The following BRINP2 variants were observed in gnomAD, a reference collection of about 807,000 sequenced individuals.
The protein encoded by BRINP2 is BMP/retinoic acid-inducible neural-specific protein 2.
A neutral mutation model predicts 69.2 loss-of-function variants in BRINP2; 21 were observed. The ratio of observed to expected loss-of-function variants is 0.30; its 90% CI spans 0.22 to 0.44. The LOEUF (loss-of-function observed/expected upper bound fraction) is 0.44. BRINP2 is among the 20% of genes least tolerant of loss of function. The probability of loss-of-function intolerance (pLI) is 1.00; values close to 1 mark genes in which losing one functional copy is unlikely to be tolerated. For missense variants in BRINP2, 877 were observed against 986.0 expected, an observed-to-expected ratio of 0.89 and a Z score of 1.48; for synonymous variants, 380 against 394.1, an observed-to-expected ratio of 0.96 and a Z score of 0.42.
chr1:177,265,692 A>G lies in BRINP2; in HGVS notation c.670-7796A>G, dbSNP rs192313638. Among the ~76,000 whole-genome samples, 80 of 152,242 alleles carry G rather than the reference A, an allele frequency of 5.3e-4. No homozygotes were observed. The Middle Eastern group carries it at 0.014, about 26-fold the overall frequency. ...TGGAAAGAACATAGGCTGCAACCCA[A>G]GAGTCTGAATTCTGCCATTGCTCAT... On this transcript the variant is annotated intron_variant, in intron 4 of 7. Transcript: ENST00000361539.
At chr1:177,198,588 T>A (rs1007562059) in intron 1 of BRINP2, among the ~76,000 whole-genome samples, 3 of 152,064 alleles carry the variant, frequency 2.0e-5, no homozygotes, top group Admixed American at 1.3e-4. Flanking sequence ...TCCACCTTTT[T>A]TAAAAAATGG....
At position 177,266,311 on chromosome 1, in the gene BRINP2, T is replaced by A. The variant is rs561663428; in HGVS notation, c.670-7177T>A. Among the ~76,000 whole-genome samples, 10 of 152,234 alleles carry A rather than the reference T, an allele frequency of 6.6e-5. No homozygotes were observed. The South Asian group carries it at 2.1e-3, about 32-fold the overall frequency. Reference sequence around the variant, plus strand: ...TCCCTGCTCTACTCTTCACCTTCCATTCATATTGTATAACCCAATCATACC... The same window carrying A: ...TCCCTGCTCTACTCTTCACCTTCCAATCATATTGTATAACCCAATCATACC... On this transcript the variant is annotated intron_variant, in intron 4 of 7. Transcript: ENST00000361539.
At chr1:177,242,278 C>G (rs185880695) in intron 2 of BRINP2, among the ~76,000 whole-genome samples, 1,944 of 152,232 alleles carry the variant, frequency 0.013, 37 homozygotes, top group African/African-American at 0.045. Context: ...ATCTGTCCCC[C>G]AAAAATAAAA....
intron 1 of BRINP2, among the ~76,000 whole-genome samples, chr1:177,179,266 A>G (rs993945170): frequency 1.8e-4 from 28 of 152,222 alleles, no homozygotes; most frequent in African/African-American, 6.3e-4. Flanking sequence ...AGAGAAAGTA[A>G]CATTCAAATT....
chr1:177,220,586 C>G (rs937752966), intron 1 of BRINP2, among the ~76,000 whole-genome samples: 1 of 152,176 alleles, frequency 6.6e-6, no homozygotes, highest in African/African-American at 2.4e-5. Flanking sequence ...CCTCTGGAAC[C>G]ATGAGCCAAT....
chr1:177,235,179 A>G (rs552891410), intron 2 of BRINP2, among the ~76,000 whole-genome samples: 5 of 152,278 alleles, frequency 3.3e-5, no homozygotes, highest in Admixed American at 3.3e-4. Flanking sequence ...CCCAGACCTA[A>G]GGAATGAAAA....
At chr1:177,192,562 G>A (rs1648623102) in intron 1 of BRINP2, among the ~76,000 whole-genome samples, 1 of 152,116 alleles carries the variant, frequency 6.6e-6, no homozygotes, top group Non-Finnish European at 1.5e-5. Flanking sequence ...GAGGAAATGA[G>A]CCCATCCTAG....
At chr1:177,176,105 A>C (rs1341027401) in intron 1 of BRINP2, among the ~76,000 whole-genome samples, 1 of 152,222 alleles carries the variant, frequency 6.6e-6, no homozygotes, top group Non-Finnish European at 1.5e-5. Flanking sequence ...GCATCAACAC[A>C]GCATGGAATC....
chr1:177,256,190 C>CA (rs1650750409), intron 3 of BRINP2, 81 bp downstream of exon 3: 1 of 1,501,724 alleles, frequency 6.7e-7, no homozygotes, highest in African/African-American at 1.4e-5. Flanking sequence ...GTAGCTCCAA[C>CA]AGTCTTATCT....
rs1161576588 is a variant in BRINP2 at position 177,171,621 on chromosome 1, T to C, written c.-188T>C. 6.6e-6 allele frequency: 1 copy of C among 152,294 alleles called. No individual in the cohort carries two copies. The highest frequency in any genetic ancestry group is 2.4e-5 in the African/African-American group (1 of 41,446). The allele number at this position is 152,294 out of a possible 1,614,324, so 9.4% of individuals were successfully genotyped here. A position where few individuals can be genotyped will look rare whatever the true frequency, so the allele number is the denominator to read the frequency against. ...TCATGAAGTAAAAACTTTGGAAAGC[T>C]GCCACTGGAGATGTTGCACAAAAAC... On this transcript the variant is annotated 5_prime_UTR_variant, in exon 1 of 8. Transcript: ENST00000361539.
chr1:177,256,837 G>A, intron 3 of BRINP2: 1 of 1,165,330 alleles, frequency 8.6e-7, no homozygotes, highest in Non-Finnish European at 1.1e-6. Flanking sequence ...AGCAGAAAAA[G>A]CCACGAAGAC....
chr1:177,226,161 G>A (rs1005617541), intron 1 of BRINP2, among the ~76,000 whole-genome samples: 2 of 152,220 alleles, frequency 1.3e-5, no homozygotes, highest in Non-Finnish European at 2.9e-5. Flanking sequence ...TCTCCTGCTA[G>A]GTGAGGGGGT....
intron 1 of BRINP2, among the ~76,000 whole-genome samples, chr1:177,204,131 A>G (rs140199546): frequency 1.8e-4 from 27 of 152,342 alleles, no homozygotes; most frequent in Admixed American, 3.9e-4. Flanking sequence ...ATCCTACGTT[A>G]TAAGAACCAC....
At position 177,255,929 on chromosome 1, in the gene BRINP2, C is replaced by T. The variant is rs774540232; in HGVS notation, c.280C>T (p.Arg94Cys). ...TGGCTTTTCCCCCAGGGAGTTTGCCCGTTGGAAGGTGAACAACTTGGCTCT... is the reference window on the plus strand; with the variant it reads ...TGGCTTTTCCCCCAGGGAGTTTGCCTGTTGGAAGGTGAACAACTTGGCTCT... Reference protein sequence around the residue: ...TRYRIYREFARWKVNNLALER... With the variant: ...TRYRIYREFACWKVNNLALER... Residue 94 changes from arginine (R) to cysteine (C), a missense_variant, in exon 3 of 8, where the codon CGT becomes TGT. By Grantham distance (180) the Arg-to-Cys change is radical. Around this residue, in one of 3 missense-constraint regions of BRINP2, gnomAD observed 566 missense variants for 625.2 expected, o/e 0.91. Coordinates refer to ENST00000361539, the MANE Select transcript of BRINP2 (RefSeq NM_021165.4). 8.7e-6 allele frequency: 14 copies of T among 1,613,808 alleles called. No individual in the cohort carries two copies. The highest frequency in any genetic ancestry group is 1.1e-5 in the Non-Finnish European group (13 of 1,179,942).
intron 1 of BRINP2, among the ~76,000 whole-genome samples, chr1:177,195,433 G>C (rs1648714288): frequency 6.6e-6 from 1 of 151,276 alleles, no homozygotes; most frequent in Non-Finnish European, 1.5e-5. Flanking sequence ...GCCCAAGGCA[G>C]ACACGCTAAG....
intron 1 of BRINP2, among the ~76,000 whole-genome samples, chr1:177,177,294 AAACAACAAC>A (rs149219703): frequency 5.3e-5 from 8 of 151,294 alleles, no homozygotes; most frequent in African/African-American, 9.7e-5. Context: ...ACAAACAAAC[AAACAACAAC>A]AACAACAACA....
At chr1:177,248,452 T>C (rs368639909) in intron 2 of BRINP2, among the ~76,000 whole-genome samples, 17 of 151,116 alleles carry the variant, frequency 1.1e-4, no homozygotes, top group African/African-American at 9.8e-5. Context: ...TGTGTGTGTG[T>C]GTGCGTGCGT....
At chr1:177,183,340 A>G (rs1648324250) in intron 1 of BRINP2, among the ~76,000 whole-genome samples, 1 of 152,132 alleles carries the variant, frequency 6.6e-6, no homozygotes, top group African/African-American at 2.4e-5. Flanking sequence ...TTTTATGCTT[A>G]GGAAAATTGG....
rs186884852 is a variant in BRINP2, at chr1:177,191,946, C to T, written c.-77+20214C>T. Among the ~76,000 whole-genome samples the T allele has an allele frequency of 2.4e-3, 358 of 152,240 alleles. 2 individuals are homozygous for T. The highest frequency in any genetic ancestry group is 8.1e-3 in the African/African-American group (337 of 41,540). On this transcript the variant is annotated intron_variant, in intron 1 of 7. Coordinates refer to ENST00000361539, the MANE Select transcript of BRINP2 (RefSeq NM_021165.4). ...TCTTTGTTATATAAAACATGTATTT[C>T]TTCTTGTGTTTTCTTTAATACATAT...
Sources: allele counts gnomAD v4.1 joint callset (sites outside exome capture counted in the v4.1 genomes callset), GRCh38; gene constraint gnomAD v4.1.1; regional missense constraint gnomAD v4.1.1; transcripts MANE v1.5; gene names NCBI Gene and HGNC (gene_info 2026-07-23, HGNC 2026-07-21).